CELSR3: variants seen among roughly 807,000 people sequenced by gnomAD.
The protein encoded by CELSR3 is EGF-like protein 1.
CELSR3 carries 73 observed loss-of-function variants against 270.0 expected under a neutral mutation model. The ratio of observed to expected loss-of-function variants is 0.27; its 90% CI spans 0.22 to 0.33. CELSR3 has a LOEUF of 0.33. Ranked by LOEUF, CELSR3 falls within the 10% of genes least tolerant of loss-of-function variation. The pLI is 1.00. For missense variants in CELSR3, 3,614 were observed against 4,533.8 expected (o/e 0.80, Z 5.83); for synonymous variants, 1,780 against 1,905.4 (o/e 0.93, Z 1.71).
In CELSR3 at chr3:48,656,903, C is replaced by A. The variant is rs1468394343; in HGVS notation, c.4194G>T (p.Ser1398=). ...MKCVSVLRFD[S]SAPFLASAST... is the part of the protein sequence containing the mutation. Reference sequence around the variant, plus strand: ...AGGCCGAGGCCAGGAAGGGCGCGGACGAGTCAAAGCGGAGCACGGACACGC... The same window carrying A: ...AGGCCGAGGCCAGGAAGGGCGCGGAAGAGTCAAAGCGGAGCACGGACACGC... The change falls in exon 2 of 35, where the codon TCG becomes TCT. Residue 1398 remains serine, a synonymous_variant. Transcript: ENST00000164024. 6.2e-7 allele frequency: 1 copy of A among 1,609,958 alleles called. No homozygotes were observed. The highest frequency in any genetic ancestry group is 1.3e-5 in the African/African-American group (1 of 74,982).
In CELSR3 at chr3:48,661,759, C is replaced by T. The variant is rs1468625679; in HGVS notation, c.876G>A (p.Gly292=). The T allele has an allele frequency of 1.3e-6, 2 of 1,592,854 alleles. No homozygotes were observed. The highest frequency in any genetic ancestry group is 1.1e-5 in the South Asian group (1 of 88,360). The change falls in exon 1 of 35, where the codon GGG becomes GGA. Residue 292 remains glycine, a synonymous_variant. Coordinates refer to ENST00000164024, the MANE Select transcript of CELSR3 (RefSeq NM_001407.3). ...FRCRFLPQRP[G]PRPPGLPARP... Reference sequence around the variant, plus strand: ...GGGCCGGGAGTCCCGGGGGACGCGGCCCGGGGCGCTGCGGGAGGAAGCGGC... The same window carrying T: ...GGGCCGGGAGTCCCGGGGGACGCGGTCCGGGGCGCTGCGGGAGGAAGCGGC...
In CELSR3 at chr3:48,650,818, G is replaced by A. The variant is rs2047130390; in HGVS notation, c.6370+74C>T. 1.3e-6 allele frequency: 2 copies of A among 1,488,398 alleles called. No homozygotes were observed. The highest frequency in any genetic ancestry group is 3.9e-5 in the Admixed American group (2 of 50,966). 92.2% of individuals were successfully genotyped at this position (1,488,398 alleles called of 1,614,324 possible). On this transcript the variant is annotated intron_variant, in intron 15 of 34. Transcript: ENST00000164024. The surrounding 1 kb of genome is among the most constrained non-coding windows in gnomAD (Gnocchi z 5.1). ...GCTTCCAGAGTCCCCAAGGAGCCAT[G>A]TGTGCCACTGACACGTGATGGTGGC...
chr3:48,652,376 G>GCCCCTGACTTCTGA lies in CELSR3; in HGVS notation c.5751+47_5751+60dup, dbSNP rs1311404470. 2 of 1,313,736 alleles carry GCCCCTGACTTCTGA rather than the reference G, an allele frequency of 1.5e-6. No individual in the cohort carries two copies. Among genetic ancestry groups the GCCCCTGACTTCTGA allele is most frequent in the African/African-American group, 1.4e-5 (1 of 69,320 alleles). 81.4% of individuals were successfully genotyped at this position (1,313,736 alleles called of 1,614,324 possible). A position where few individuals can be genotyped will look rare whatever the true frequency, so the allele number is the denominator to read the frequency against. ...AATACTGCCTTTCAGGTCCCAAGGA[G>GCCCCTGACTTCTGA]CCCCTGACTTCTGACCCCTGACCCT... On this transcript the variant is annotated intron_variant, in intron 11 of 34. Coordinates refer to ENST00000164024, the MANE Select transcript of CELSR3 (RefSeq NM_001407.3). This position sits in a 1 kb window ranked among gnomAD's most constrained non-coding sequence, Gnocchi z 4.3.
Position 48,651,541 on chromosome 3 carries a change from C to A in CELSR3, c.6065+36G>T. ...ATCCCAGTGACCCTCCCTGTCCCTG[C>A]CAGGTCTCCCCATCGCCTCAGCCCC... On this transcript the variant is annotated intron_variant, in intron 13 of 34. Coordinates refer to ENST00000164024, the MANE Select transcript of CELSR3 (RefSeq NM_001407.3). This position sits in a 1 kb window ranked among gnomAD's most constrained non-coding sequence, Gnocchi z 7.4. 1.3e-6 allele frequency: 2 copies of A among 1,597,422 alleles called. No homozygotes were observed. The highest frequency in any genetic ancestry group is 1.7e-5 in the Admixed American group (1 of 59,094).
Position 48,656,311 on chromosome 3 carries a change from C to T in CELSR3, c.4454G>A (p.Arg1485His). ...CGCGTCGGTGCAGGTGCCCCCGTTG[C>T]GGCAGACGCCCGGCACGCAGCGGCC... ...EAGRCVPGVC[R>H]NGGTCTDAPN... Residue 1485 changes from arginine (R) to histidine (H), a missense_variant, in exon 3 of 35, where the codon CGC becomes CAC. By Grantham distance (29) the Arg-to-His change is conservative. This residue lies in a region of CELSR3 where 1,331 missense variants were observed against 1,933.7 expected (regional missense o/e 0.69). Transcript: ENST00000164024. The T allele has an allele frequency of 6.7e-7, 1 of 1,486,848 alleles. No individual in the cohort carries two copies. The allele number at this position is 1,486,848 out of a possible 1,614,324, so 92.1% of individuals were successfully genotyped here.
Position 48,640,771 on chromosome 3 carries a change from G to C in CELSR3, c.9026-212C>G. Reference sequence around the variant, plus strand: ...GGAAGGGCAGTCATCTTCCAGTTGTGGTCCCGGGGCAGGGGGAGGGCGGGC... The same window carrying C: ...GGAAGGGCAGTCATCTTCCAGTTGTCGTCCCGGGGCAGGGGGAGGGCGGGC... On this transcript the variant is annotated intron_variant, in intron 33 of 34. Coordinates refer to ENST00000164024, the MANE Select transcript of CELSR3 (RefSeq NM_001407.3). The surrounding 1 kb of genome is among the most constrained non-coding windows in gnomAD (Gnocchi z 7.5). 1 of 567,152 alleles carries C rather than the reference G, an allele frequency of 1.8e-6. No homozygotes were observed. The allele number at this position is 567,152 out of a possible 1,614,324, so 35.1% of individuals were successfully genotyped here.
Position 48,659,162 on chromosome 3 carries a change from C to T in CELSR3, c.3473G>A (p.Arg1158His), listed in dbSNP as rs61729234. ...PLVSRATVHV[R>H]LVDQNDNSPV... ...GCTGTTGTCATTCTGGTCAACCAGG[C>T]GGACGTGCACAGTGGCCCGGCTGAC... Residue 1158 changes from arginine to histidine, a missense_variant, in exon 1 of 35, where the codon CGC becomes CAC. Physicochemically the swap from Arg to His is conservative, Grantham distance 29 (BLOSUM62 0). Around this residue, in one of 7 missense-constraint regions of CELSR3, gnomAD observed 1,331 missense variants for 1,933.7 expected, o/e 0.69. Transcript: ENST00000164024. This position sits in a 1 kb window ranked among gnomAD's most constrained non-coding sequence, Gnocchi z 8.1. 1.2e-5 allele frequency: 20 copies of T among 1,614,184 alleles called. No individual in the cohort carries two copies. Among genetic ancestry groups the T allele is most frequent in the South Asian group, 2.2e-5 (2 of 91,082 alleles).
Position 48,641,909 on chromosome 3 carries a change from G to A in CELSR3, c.8766C>T (p.Arg2922=). The change falls in exon 32 of 35, where the codon CGC becomes CGT. Residue 2922 remains arginine, a synonymous_variant. Coordinates refer to ENST00000164024, the MANE Select transcript of CELSR3 (RefSeq NM_001407.3). The surrounding 1 kb of genome is among the most constrained non-coding windows in gnomAD (Gnocchi z 4.8). ...CTGCTCGGCAGAGTGGCCGTTGGAA[G>A]CGCCCCCGCGTCCGGCCATTGTCCT... The part of the protein sequence containing the change: ...ESEDNGRTRG[R]FQRPLCRAAQ... The A allele has an allele frequency of 1.3e-6, 2 of 1,588,622 alleles. No homozygotes were observed. The highest frequency in any genetic ancestry group is 1.7e-6 in the Non-Finnish European group (2 of 1,168,912).
In CELSR3 at chr3:48,655,946, G is replaced by A. The variant is rs925122811; in HGVS notation, c.4626-95C>T. Reference sequence around the variant, plus strand: ...CCCTGCGAGGAGAAGGGGCTGGGGCGAGAGAGGAAGCGACGAGGGACGGCG... The same window carrying A: ...CCCTGCGAGGAGAAGGGGCTGGGGCAAGAGAGGAAGCGACGAGGGACGGCG... On this transcript the variant is annotated intron_variant, in intron 3 of 34. Transcript: ENST00000164024. This position sits in a 1 kb window ranked among gnomAD's most constrained non-coding sequence, Gnocchi z 5.8. The A allele has an allele frequency of 8.3e-7, 1 of 1,205,962 alleles. No individual in the cohort carries two copies. The highest frequency in any genetic ancestry group is 1.2e-6 in the Non-Finnish European group (1 of 841,798). 74.7% of individuals were successfully genotyped at this position (1,205,962 alleles called of 1,614,324 possible).
In CELSR3 at chr3:48,656,900, G is replaced by T. The variant is rs373483249; in HGVS notation, c.4197C>A (p.Ser1399=). ...TGGAGGCCGAGGCCAGGAAGGGCGC[G>T]GACGAGTCAAAGCGGAGCACGGACA... The part of the protein sequence containing the change: ...KCVSVLRFDS[S]APFLASASTL... Residue 1399 remains serine (S), a synonymous_variant, in exon 2 of 35, where the codon TCC becomes TCA. Transcript: ENST00000164024. 5 of 1,609,880 alleles carry T rather than the reference G, an allele frequency of 3.1e-6. No individual in the cohort carries two copies. The African/African-American group carries it at 5.3e-5, about 17-fold the overall frequency.
In CELSR3 at chr3:48,646,744, G is replaced by A; in HGVS notation, c.7295+19C>T. On this transcript the variant is annotated intron_variant, in intron 21 of 34. Coordinates refer to ENST00000164024, the MANE Select transcript of CELSR3 (RefSeq NM_001407.3). The surrounding 1 kb of genome is among the most constrained non-coding windows in gnomAD (Gnocchi z 4.8). ...GCTGAGAAGTTCGTAGGAAGCTCAG[G>A]GGTGAGGGGCCTGAGTACCTGGCAC... The A allele has an allele frequency of 6.3e-7, 1 of 1,599,240 alleles. No individual in the cohort carries two copies. Among genetic ancestry groups the A allele is most frequent in the Admixed American group, 1.7e-5 (1 of 57,738 alleles).
Position 48,662,489 on chromosome 3 carries a change from G to C in CELSR3, c.146C>G (p.Thr49Ser). The change falls in exon 1 of 35, where the codon ACT becomes AGT. Residue 49 changes from threonine to serine, a missense_variant. Around this residue, in one of 7 missense-constraint regions of CELSR3, gnomAD observed 470 missense variants for 469.7 expected, o/e 1.00. Transcript: ENST00000164024. The surrounding 1 kb of genome is among the most constrained non-coding windows in gnomAD (Gnocchi z 7.1). Reference protein sequence around the residue: ...HQGWDPGLAATTGPRAHIGGG... With the variant: ...HQGWDPGLAASTGPRAHIGGG... ...ACCGATATGCGCCCTTGGCCCCGTA[G>C]TGGCAGCTAAGCCTGGGTCCCAGCC... 6.2e-7 allele frequency: 1 copy of C among 1,612,696 alleles called. No individual in the cohort carries two copies. The highest frequency in any genetic ancestry group is 8.5e-7 in the Non-Finnish European group (1 of 1,179,848).
In CELSR3 at chr3:48,655,995, G is replaced by A; in HGVS notation, c.4626-144C>T. On this transcript the variant is annotated intron_variant, in intron 3 of 34. Transcript: ENST00000164024. The surrounding 1 kb of genome is among the most constrained non-coding windows in gnomAD (Gnocchi z 5.8). The stretch of plus-strand genomic sequence containing the variant: ...CGGGACCGACCGGGGGGACGCGGGT[G>A]CAGCGAGGTCAGGAGACCCCGGGCG... 11 of 1,118,002 alleles carry A rather than the reference G, an allele frequency of 9.8e-6. No individual in the cohort carries two copies. In the South Asian group the frequency reaches 1.5e-4, roughly 15 times the overall value. The allele number at this position is 1,118,002 out of a possible 1,614,324, so 69.3% of individuals were successfully genotyped here. A position where few individuals can be genotyped will look rare whatever the true frequency, so the allele number is the denominator to read the frequency against.
Position 48,642,637 on chromosome 3 carries a change from G to T in CELSR3, c.8555+99C>A. The T allele has an allele frequency of 6.6e-7, 1 of 1,511,854 alleles. No individual in the cohort carries two copies. Among genetic ancestry groups the T allele is most frequent in the Non-Finnish European group, 8.9e-7 (1 of 1,126,364 alleles). 93.7% of individuals were successfully genotyped at this position (1,511,854 alleles called of 1,614,324 possible). A position where few individuals can be genotyped will look rare whatever the true frequency, so the allele number is the denominator to read the frequency against. ...AAGCAGGGCCCCAGATGGCCAAGAT[G>T]GGTGGAGCCACCCGCCCTAGGACCT... On this transcript the variant is annotated intron_variant, in intron 30 of 34. Transcript: ENST00000164024. This position sits in a 1 kb window ranked among gnomAD's most constrained non-coding sequence, Gnocchi z 6.1.
At position 48,660,910 on chromosome 3, in the gene CELSR3, G is replaced by A. The variant is rs2077061751; in HGVS notation, c.1725C>T (p.Asp575=). ...TGTTGTAGTGCACCAATCCGTTGGCGTCCTTGTCCCGGTCAGTGGCCGTGA... is the reference window on the plus strand; with the variant it reads ...TGTTGTAGTGCACCAATCCGTTGGCATCCTTGTCCCGGTCAGTGGCCGTGA... ...LRVTATDRDK[D]ANGLVHYNII... Residue 575 remains aspartate (D), a synonymous_variant, in exon 1 of 35, where the codon GAC becomes GAT. Transcript: ENST00000164024. This position sits in a 1 kb window ranked among gnomAD's most constrained non-coding sequence, Gnocchi z 5.5. 3 of 1,613,926 alleles carry A rather than the reference G, an allele frequency of 1.9e-6. No individual in the cohort carries two copies. The South Asian group carries it at 3.3e-5, about 18-fold the overall frequency.
At position 48,642,189 on chromosome 3, in the gene CELSR3, G is replaced by A; in HGVS notation, c.8665+169C>T. The A allele has an allele frequency of 1.1e-6, 1 of 873,596 alleles. No individual in the cohort carries two copies. The highest frequency in any genetic ancestry group is 1.7e-6 in the Non-Finnish European group (1 of 584,806). The allele number at this position is 873,596 out of a possible 1,614,324, so 54.1% of individuals were successfully genotyped here. On this transcript the variant is annotated intron_variant, in intron 31 of 34. Coordinates refer to ENST00000164024, the MANE Select transcript of CELSR3 (RefSeq NM_001407.3). The surrounding 1 kb of genome is among the most constrained non-coding windows in gnomAD (Gnocchi z 6.1). ...CTTATCAGAGGGAAGGACGAATCAG[G>A]AGTGGACTGGGAGAACCAGGGCTGG...
rs2077062301 is a variant in CELSR3 at position 48,660,963 on chromosome 3, C to A, written c.1672G>T (p.Val558Leu). 5 of 1,613,912 alleles carry A rather than the reference C, an allele frequency of 3.1e-6. No homozygotes were observed. The East Asian group carries it at 6.7e-5, about 22-fold the overall frequency. The change falls in exon 1 of 35, where the codon GTG becomes TTG. Residue 558 changes from valine to leucine, a missense_variant. Around this residue, in one of 7 missense-constraint regions of CELSR3, gnomAD observed 354 missense variants for 500.9 expected, o/e 0.71. Coordinates refer to ENST00000164024, the MANE Select transcript of CELSR3 (RefSeq NM_001407.3). This position sits in a 1 kb window ranked among gnomAD's most constrained non-coding sequence, Gnocchi z 5.5. ...CGCAGCACGACTGTGTGGGGGCGCA[C>A]ATCCTCGCGCACCTGCGCCACGTAG... ...KRYVAQVRED[V>L]RPHTVVLRVT...
chr3:48,643,747 G>A, intron 27 of CELSR3, 70 bp from the exon 28 acceptor site: 11 of 1,514,716 alleles, frequency 7.3e-6, no homozygotes, highest in Non-Finnish European at 9.8e-6. Flanking sequence ...AGGGAACACG[G>A]GAGGACACAC....
In CELSR3 at chr3:48,662,164, A is replaced by G; in HGVS notation, c.471T>C (p.Ala157=). The G allele has an allele frequency of 6.2e-7, 1 of 1,612,636 alleles. No homozygotes were observed. The highest frequency in any genetic ancestry group is 2.2e-5 in the East Asian group (1 of 44,850). Residue 157 remains alanine (A), a synonymous_variant, in exon 1 of 35, where the codon GCT becomes GCC. Coordinates refer to ENST00000164024, the MANE Select transcript of CELSR3 (RefSeq NM_001407.3). The surrounding 1 kb of genome is among the most constrained non-coding windows in gnomAD (Gnocchi z 7.1). ...PLQRGSLSPG[A]LSSGVPGSGN... ...CCGAGCCCGGGACCCCTGAGGACAG[A>G]GCCCCTGGTGACAGACTACCTCTTT...
Sources: allele counts gnomAD v4.1 joint callset, GRCh38; gene constraint gnomAD v4.1.1; regional missense constraint gnomAD v4.1.1; non-coding constraint Gnocchi (gnomAD v3.1); transcripts MANE v1.5; gene names NCBI Gene and HGNC (gene_info 2026-07-23, HGNC 2026-07-21).